The following BCL9 variants were observed in gnomAD, a reference collection of about 807,000 sequenced individuals.
The protein encoded by BCL9 is BCL9 transcription coactivator, also known as B-cell CLL/lymphoma 9 protein.
In BCL9, 25 loss-of-function variants were observed where a neutral mutation model predicts 88.5. That is an observed-to-expected ratio of 0.28 (90% CI 0.21 to 0.39). BCL9 has a LOEUF of 0.39. Among genes scored for constraint, BCL9 ranks in the 10% least tolerant of loss-of-function variants. The pLI is 1.00. For synonymous variants in BCL9, 711 were observed against 673.3 expected (o/e 1.06, Z -0.87); for missense variants, 1,817 against 1,877.8 (o/e 0.97, Z 0.60).
At position 147,624,080 on chromosome 1, in the gene BCL9, G is replaced by C; in HGVS notation, c.3402G>C (p.Arg1134=). 1 of 1,611,400 alleles carries C rather than the reference G, an allele frequency of 6.2e-7. No individual in the cohort carries two copies. Among genetic ancestry groups the C allele is most frequent in the Non-Finnish European group, 8.5e-7 (1 of 1,178,040 alleles). Residue 1134 remains arginine, a synonymous_variant, in exon 10 of 10, where the codon CGG becomes CGC. Transcript: ENST00000234739. The surrounding 1 kb of genome is among the most constrained non-coding windows in gnomAD (Gnocchi z 4.4). ...SQEPPMVPQG[R]MGFPQGFPPV... ...AGCCACCGATGGTACCTCAAGGACG[G>C]ATGGGCTTCCCCCAGGGCTTCCCTC...
At chr1:147,622,231 T>C in intron 8 of BCL9, 40 bp from the exon 9 acceptor site, 2 of 1,612,142 alleles carry the variant, frequency 1.2e-6, no homozygotes, top group Non-Finnish European at 1.7e-6. Flanking sequence ...AAAAGGAATC[T>C]AATTCCCTGC....
At chr1:147,613,297 A>G (rs1658105955) in intron 5 of BCL9, 98 bp downstream of exon 5, 5 of 1,187,156 alleles carry the variant, frequency 4.2e-6, no homozygotes, top group East Asian at 4.7e-5. Context: ...ATATCAGACA[A>G]GTGGGGAGAG....
intron 1 of BCL9, among the ~76,000 whole-genome samples, chr1:147,588,444 T>A (rs1249203339): frequency 1.3e-5 from 2 of 152,152 alleles, no homozygotes; most frequent in African/African-American, 4.8e-5. Flanking sequence ...ACTTACTTCA[T>A]TTACAGAAAT....
At chr1:147,615,502 C>T (rs1367788311) in intron 6 of BCL9, among the ~76,000 whole-genome samples, 3 of 152,160 alleles carry the variant, frequency 2.0e-5, no homozygotes, top group Admixed American at 2.0e-4. Flanking sequence ...ATTTTGAACT[C>T]GGATTCTCTA....
At chr1:147,553,497 C>A (rs1173023035) in intron 1 of BCL9, among the ~76,000 whole-genome samples, 1 of 152,056 alleles carries the variant, frequency 6.6e-6, no homozygotes, top group Non-Finnish European at 1.5e-5. Context: ...GAGAGTAAAC[C>A]AGAGGGTAAG....
At chr1:147,558,610 G>C (rs1358313898) in intron 1 of BCL9, among the ~76,000 whole-genome samples, 2 of 152,148 alleles carry the variant, frequency 1.3e-5, no homozygotes, top group Non-Finnish European at 2.9e-5. Flanking sequence ...TGGAGACATG[G>C]AGAGTGAGCC....
intron 7 of BCL9, among the ~76,000 whole-genome samples, chr1:147,618,557 C>T (rs960030207): frequency 4.6e-5 from 7 of 151,970 alleles, no homozygotes; most frequent in Non-Finnish European, 7.4e-5. Flanking sequence ...GGCAGAGTGG[C>T]TCTCCCCTGG....
chr1:147,608,592 C>T (rs1657847706), intron 3 of BCL9, among the ~76,000 whole-genome samples: 1 of 152,064 alleles, frequency 6.6e-6, no homozygotes, highest in South Asian at 2.1e-4. Flanking sequence ...AACTTTCTGC[C>T]TGGCAACATC....
At chr1:147,562,909 C>T (rs868967554) in intron 1 of BCL9, among the ~76,000 whole-genome samples, 3 of 152,214 alleles carry the variant, frequency 2.0e-5, no homozygotes, top group Admixed American at 6.5e-5. Context: ...GGAAGCCCTA[C>T]AGGATCTGGT....
intron 1 of BCL9, among the ~76,000 whole-genome samples, chr1:147,548,980 T>TTTTG (rs1491271185): frequency 3.3e-3 from 2 of 608 alleles, no homozygotes; most frequent in African/African-American, 0.025. Flanking sequence ...TCTTTCTTTC[T>TTTTG]TTTTTTTTTT....
chr1:147,615,914 C>G lies in BCL9; in HGVS notation c.660+12C>G, dbSNP rs372542307. 1.1e-5 allele frequency: 17 copies of G among 1,600,182 alleles called. No individual in the cohort carries two copies. The highest frequency in any genetic ancestry group is 1.5e-5 in the Non-Finnish European group (17 of 1,167,794). On this transcript the variant is annotated intron_variant, in intron 7 of 9. Transcript: ENST00000234739. ...GCACAGCGCCTCTGGTATGTTGTTT[C>G]AGAAACTGAGTAATGGTTTAATGAT... is the stretch of plus-strand genomic sequence containing the variant.
intron 4 of BCL9, among the ~76,000 whole-genome samples, chr1:147,612,477 G>T (rs1206356747): frequency 2.0e-5 from 3 of 152,186 alleles, no homozygotes; most frequent in Non-Finnish European, 4.4e-5. Context: ...CAGCAGGGAA[G>T]TGAGGCTCTC....
rs1166650411 is a variant in BCL9 at position 147,623,997 on chromosome 1, G to C, written c.3319G>C (p.Val1107Leu). The C allele has an allele frequency of 6.2e-7, 1 of 1,614,178 alleles. No homozygotes were observed. The highest frequency in any genetic ancestry group is 1.3e-5 in the African/African-American group (1 of 75,030). Reference sequence around the variant, plus strand: ...GGGACCCAACATACCTCCTCATGGGGTCCCAATGGGGCCTGGCTTGATGTC... The same window carrying C: ...GGGACCCAACATACCTCCTCATGGGCTCCCAATGGGGCCTGGCTTGATGTC... ...AVGPNIPPHGVPMGPGLMSHN... is the reference protein window; with the variant it reads ...AVGPNIPPHGLPMGPGLMSHN... The change falls in exon 10 of 10, where the codon GTC (valine) becomes CTC (leucine). Residue 1107 changes from valine (V) to leucine (L), a missense_variant. Physicochemically the swap from Val to Leu is conservative, Grantham distance 32 (BLOSUM62 1). Around this residue, in one of 2 missense-constraint regions of BCL9, gnomAD observed 589 missense variants for 686.2 expected, o/e 0.86. Coordinates refer to ENST00000234739, the MANE Select transcript of BCL9 (RefSeq NM_004326.4).
At chr1:147,602,480 G>T (rs1657449022) in intron 1 of BCL9, among the ~76,000 whole-genome samples, 1 of 152,176 alleles carries the variant, frequency 6.6e-6, no homozygotes, top group Non-Finnish European at 1.5e-5. Context: ...AAAGTGTTGG[G>T]ATTACAGGTG....
chr1:147,614,487 C>T lies in BCL9; in HGVS notation c.431C>T (p.Thr144Ile). 1 of 1,614,072 alleles carries T rather than the reference C, an allele frequency of 6.2e-7. No individual in the cohort carries two copies. The highest frequency in any genetic ancestry group is 8.5e-7 in the Non-Finnish European group (1 of 1,179,968). ...TCCCAGCACACACCACACTCGATGA[C>T]CCCATCAAATGCTACAGCCCCCAGG... ...QDSQHTPHSMTPSNATAPRSS... is the reference protein window; with the variant it reads ...QDSQHTPHSMIPSNATAPRSS... Residue 144 changes from threonine to isoleucine, a missense_variant, in exon 6 of 10, where the codon ACC becomes ATC. By Grantham distance (89) the Thr-to-Ile change is moderately conservative (BLOSUM62 -1). Transcript: ENST00000234739.
intron 1 of BCL9, among the ~76,000 whole-genome samples, chr1:147,580,927 T>G (rs1225664580): frequency 6.6e-6 from 1 of 152,202 alleles, no homozygotes; most frequent in Non-Finnish European, 1.5e-5. Context: ...TGAAAAAAAC[T>G]GGGGCTCAGA....
At chr1:147,583,960 A>G (rs1553198901) in intron 1 of BCL9, among the ~76,000 whole-genome samples, 1 of 152,200 alleles carries the variant, frequency 6.6e-6, no homozygotes, top group African/African-American at 2.4e-5. Context: ...TCTGTCTCAA[A>G]AAAAAGAAAA....
chr1:147,592,659 G>A (rs2101574668), intron 1 of BCL9, among the ~76,000 whole-genome samples: 1 of 152,298 alleles, frequency 6.6e-6, no homozygotes, highest in Non-Finnish European at 1.5e-5. Flanking sequence ...GTGTGAGAAT[G>A]AGTAAGGTAT....
intron 1 of BCL9, chr1:147,600,217 G>T (rs1038492605): frequency 6.2e-6 from 1 of 162,262 alleles, no homozygotes; most frequent in Non-Finnish European, 1.3e-5. Flanking sequence ...CCGCCGCCGG[G>T]GGGAGACGCT....
Sources: gnomAD v4.1 joint callset for allele counts (sites outside exome capture counted in the v4.1 genomes callset) on GRCh38, gnomAD v4.1.1 for gene constraint, gnomAD v4.1.1 regional missense constraint, Gnocchi (gnomAD v3.1) non-coding constraint, MANE v1.5 for transcripts, NCBI Gene and HGNC (gene_info 2026-07-23, HGNC 2026-07-21) for gene names.